The following ATM variants were observed in gnomAD, a reference collection of about 807,000 sequenced individuals.
The protein encoded by ATM is ATM serine/threonine kinase, also known as serine-protein kinase ATM.
In ATM, 308 loss-of-function variants were observed where a neutral mutation model predicts 387.0. The observed-to-expected ratio is 0.80, with a 90% CI of 0.73 to 0.87. The LOEUF (loss-of-function observed/expected upper bound fraction) is 0.87. ATM is among the 40% of genes least tolerant of loss of function. ATM has a pLI of 0.00. For synonymous variants in ATM, 1,156 were observed against 1,187.3 expected (o/e 0.97, Z 0.54); for missense variants, 3,312 against 3,560.9 (o/e 0.93, Z 1.78).
intron 52 of ATM, 33 bp from the exon 53 acceptor site, chr11:108,332,729 C>T (rs762757009): frequency 1.2e-6 from 2 of 1,601,682 alleles, no homozygotes; most frequent in Non-Finnish European, 1.7e-6. Context: ...TTGGGTAGTT[C>T]CTTATGTAAT....
chr11:108,251,371 C>G (rs2080140239), intron 10 of ATM, among the ~76,000 whole-genome samples: 2 of 152,150 alleles, frequency 1.3e-5, no homozygotes, highest in Non-Finnish European at 2.9e-5. Context: ...TTGACACACT[C>G]ATATGACACA....
At chr11:108,299,976 G>A (rs888769583) in intron 34 of ATM, 91 bp downstream of exon 34, 4 of 1,269,884 alleles carry the variant, frequency 3.1e-6, no homozygotes, top group Non-Finnish European at 4.5e-6. Flanking sequence ...AGTAACTAAA[G>A]CTTTGTCCTT....
intron 45 of ATM, 69 bp downstream of exon 45, chr11:108,321,489 A>G (rs1193765480): frequency 3.7e-6 from 6 of 1,607,686 alleles, no homozygotes; most frequent in Non-Finnish European, 5.1e-6. Context: ...ACTTTAAAAA[A>G]TAAAAACTAT....
At chr11:108,351,810 A>G (rs2089234238) in intron 59 of ATM, among the ~76,000 whole-genome samples, 1 of 152,204 alleles carries the variant, frequency 6.6e-6, no homozygotes, top group South Asian at 2.1e-4. Flanking sequence ...CAGTAACCCT[A>G]TGTTAGGCCT....
chr11:108,318,044 A>G (rs2084901800), intron 43 of ATM, among the ~76,000 whole-genome samples: 1 of 152,194 alleles, frequency 6.6e-6, no homozygotes, highest in South Asian at 2.1e-4. Flanking sequence ...GCTTATCTTT[A>G]TTTATGAAAT....
chr11:108,362,514 G>C (rs961253245), intron 61 of ATM, among the ~76,000 whole-genome samples: 2 of 149,364 alleles, frequency 1.3e-5, no homozygotes, highest in Admixed American at 1.3e-4. Context: ...GTTTATTGCG[G>C]CATTATTCAC....
intron 34 of ATM, among the ~76,000 whole-genome samples, chr11:108,301,223 A>G (rs1307184595): frequency 6.6e-6 from 1 of 152,184 alleles, no homozygotes; most frequent in Admixed American, 6.5e-5. Context: ...GTGTGACTTC[A>G]ACTTAAGAAT....
In ATM at chr11:108,261,972, A is replaced by G. The variant is rs577591639; in HGVS notation, c.2466+2897A>G. ...GAAATGAGCAAAGCCTCCAAGAAAT[A>G]TGGGACTATGGGAAAAGACCAAATC... On this transcript the variant is annotated intron_variant, in intron 16 of 62. Coordinates refer to ENST00000675843, the MANE Select transcript of ATM (RefSeq NM_000051.4). Among the ~76,000 whole-genome samples, 474 of 152,304 alleles carry G rather than the reference A, an allele frequency of 3.1e-3. 1 individual carries two copies. The highest frequency in any genetic ancestry group is 0.011 in the African/African-American group (457 of 41,550).
rs170548 is a variant in ATM, at chr11:108,364,109, A to T, written c.8851-973A>T. 6.6e-6 allele frequency among the ~76,000 whole-genome samples: 1 copy of T among 151,908 alleles called. No individual in the cohort carries two copies. The highest frequency in any genetic ancestry group is 6.6e-5 in the Admixed American group (1 of 15,248). On this transcript the variant is annotated intron_variant, in intron 61 of 62. Coordinates refer to ENST00000675843, the MANE Select transcript of ATM (RefSeq NM_000051.4). ...CTCAAAACAGCATTAAAAAATAGAGAGATTTTGGTTCTGCTAATCTAGTAC... is the reference window on the plus strand; with the variant it reads ...CTCAAAACAGCATTAAAAAATAGAGTGATTTTGGTTCTGCTAATCTAGTAC...
intron 36 of ATM, 21 bp from the exon 37 acceptor site, chr11:108,304,648 TTGGGTG>T (rs765636205): frequency 1.9e-6 from 3 of 1,605,734 alleles, no homozygotes; most frequent in Non-Finnish European, 2.6e-6. Context: ...ACTCAAACTA[TTGGGTG>T]GATTTGTTTG....
At chr11:108,363,225 T>C (rs1415742080) in intron 61 of ATM, among the ~76,000 whole-genome samples, 1 of 152,174 alleles carries the variant, frequency 6.6e-6, no homozygotes, top group African/African-American at 2.4e-5. Flanking sequence ...TTTCCTCTCT[T>C]GGATTCATTT....
rs878853503 is a variant in ATM at position 108,229,331 on chromosome 11, A to G, written c.331+8A>G. On this transcript the variant is annotated splice_region_variant and intron_variant, in intron 4 of 62. Transcript: ENST00000675843. ...TCAAATGTGCAAACAGAAGTAAGTGATGTTATAAATTATAAATAAATGGCT... is the reference window on the plus strand; with the variant it reads ...TCAAATGTGCAAACAGAAGTAAGTGGTGTTATAAATTATAAATAAATGGCT... 3 of 1,607,958 alleles carry G rather than the reference A, an allele frequency of 1.9e-6. No individual in the cohort carries two copies. The highest frequency in any genetic ancestry group is 2.2e-5 in the East Asian group (1 of 44,596).
chr11:108,252,369 G>A (rs1005952508), intron 11 of ATM, among the ~76,000 whole-genome samples: 3 of 152,068 alleles, frequency 2.0e-5, no homozygotes, highest in African/African-American at 7.2e-5. Context: ...CTCATAATGG[G>A]AGTGTCTTTT....
At chr11:108,310,030 G>T (rs1336485013) in intron 38 of ATM, 130 bp from the exon 39 acceptor site, 1 of 873,688 alleles carries the variant, frequency 1.1e-6, no homozygotes, top group Non-Finnish European at 1.8e-6. Context: ...ATATATTGGG[G>T]AAATGTGGTT....
At chr11:108,363,537 A>T (rs369062486) in intron 61 of ATM, among the ~76,000 whole-genome samples, 1 of 152,174 alleles carries the variant, frequency 6.6e-6, no homozygotes, top group African/African-American at 2.4e-5. Flanking sequence ...TATTGTCACA[A>T]TTGGGGATGG....
chr11:108,237,899 G>GTTTTTTTTTTTTTTT (rs369161623), intron 5 of ATM, among the ~76,000 whole-genome samples: 17 of 92,026 alleles, frequency 1.8e-4, no homozygotes, highest in South Asian at 4.0e-4. Context: ...ATTTACTTAG[G>GTTTTTTTTTTTTTTT]TTTTTTTTTT....
In ATM at chr11:108,256,601, G is replaced by A. The variant is rs564860906; in HGVS notation, c.2250+261G>A. ...TGTTACATAGATATACAGTGCCATGGTGGTTTGCTGCACCCATCAACTCGT... is the reference window on the plus strand; with the variant it reads ...TGTTACATAGATATACAGTGCCATGATGGTTTGCTGCACCCATCAACTCGT... On this transcript the variant is annotated intron_variant, in intron 14 of 62. Coordinates refer to ENST00000675843, the MANE Select transcript of ATM (RefSeq NM_000051.4). Among the ~76,000 whole-genome samples, 6 of 152,158 alleles carry A rather than the reference G, an allele frequency of 3.9e-5. No individual in the cohort carries two copies. The East Asian group carries it at 9.7e-4, about 24-fold the overall frequency.
At chr11:108,247,706 C>T (rs532934879) in intron 8 of ATM, among the ~76,000 whole-genome samples, 8 of 152,232 alleles carry the variant, frequency 5.3e-5, no homozygotes, top group Admixed American at 2.0e-4. Flanking sequence ...AGTGATTCTC[C>T]TGCATCAGCC....
chr11:108,227,687 A>G lies in ATM; in HGVS notation c.63A>G (p.Thr21=), dbSNP rs199853729. 1 of 1,613,768 alleles carries G rather than the reference A, an allele frequency of 6.2e-7. No homozygotes were observed. The highest frequency in any genetic ancestry group is 2.2e-5 in the East Asian group (1 of 44,784). ...CCRQLEHDRA[T]ERKKEVEKFK... is the part of the protein sequence containing the mutation. ...GTCAACTAGAACATGATAGAGCTAC[A>G]GAACGAAAGGTAGTAAATTACTTAA... The change falls in exon 2 of 63, where the codon ACA becomes ACG. Residue 21 remains threonine (T), a synonymous_variant. Transcript: ENST00000675843.
Sources: allele counts gnomAD v4.1 joint callset (sites outside exome capture counted in the v4.1 genomes callset), GRCh38; gene constraint gnomAD v4.1.1; transcripts MANE v1.5; gene names NCBI Gene and HGNC (gene_info 2026-07-23, HGNC 2026-07-21).